Variants in TAFA2 observed in about 807,000 individuals in gnomAD.
TAFA2 encodes chemokine-like protein TAFA-2.
A neutral mutation model predicts 18.8 loss-of-function variants in TAFA2; 7 were observed. The ratio of observed to expected loss-of-function variants is 0.37; its 90% confidence interval spans 0.21 to 0.70. The LOEUF is 0.70. TAFA2 is among the 30% of genes least tolerant of loss of function. The pLI is 0.53. For missense variants in TAFA2, 122 were observed against 158.1 expected (o/e 0.77, Z 1.23); for synonymous variants, 60 against 54.2 (o/e 1.11, Z -0.47).
intron 1 of TAFA2, among the ~76,000 whole-genome samples, chr12:61,881,796 GAACATTCTGCATGTCAAATAC>G (rs1278165521): frequency 6.6e-6 from 1 of 151,192 alleles, no homozygotes; most frequent in Non-Finnish European, 1.5e-5. Flanking sequence ...TCATTTTAAA[GAACATTCTGCATGTCAAATAC>G]AGCCTGGGGG....
At chr12:62,003,411 C>G (rs1001346208) in intron 1 of TAFA2, among the ~76,000 whole-genome samples, 3 of 152,140 alleles carry the variant, frequency 2.0e-5, no homozygotes, top group African/African-American at 7.2e-5. Context: ...AAGCTCCCAC[C>G]TCAGAGCCTT....
At chr12:61,988,723 A>C (rs942528739) in intron 1 of TAFA2, among the ~76,000 whole-genome samples, 5 of 152,206 alleles carry the variant, frequency 3.3e-5, no homozygotes, top group African/African-American at 1.2e-4. Flanking sequence ...TTGGCCCAAC[A>C]ACGGAGATGT....
chr12:61,802,236 A>G (rs918087845), intron 2 of TAFA2, among the ~76,000 whole-genome samples: 1 of 152,034 alleles, frequency 6.6e-6, no homozygotes, highest in African/African-American at 2.4e-5. Context: ...CTACCATATG[A>G]TCCAGCAATC....
chr12:61,729,852 C>T (rs1870357734), intron 4 of TAFA2, among the ~76,000 whole-genome samples: 1 of 152,010 alleles, frequency 6.6e-6, no homozygotes, highest in African/African-American at 2.4e-5. Context: ...TTTGGGTATA[C>T]TATGTCAGAG....
At chr12:61,845,335 T>C (rs1194195401) in intron 2 of TAFA2, among the ~76,000 whole-genome samples, 1 of 151,944 alleles carries the variant, frequency 6.6e-6, no homozygotes. Flanking sequence ...ATTTACTCAA[T>C]CAGAGACACA....
intron 1 of TAFA2, among the ~76,000 whole-genome samples, chr12:62,062,043 G>A (rs1882362979): frequency 6.6e-6 from 1 of 152,074 alleles, no homozygotes; most frequent in Non-Finnish European, 1.5e-5. Context: ...GTGCAATGGT[G>A]CACGCCTGTA....
chr12:62,187,285 G>C (rs1183026043), intron 1 of TAFA2, among the ~76,000 whole-genome samples: 2 of 151,968 alleles, frequency 1.3e-5, no homozygotes, highest in African/African-American at 4.8e-5. Context: ...AAATTCATGA[G>C]AAAAATAGAA....
At chr12:62,097,688 G>A (rs921224310) in intron 1 of TAFA2, among the ~76,000 whole-genome samples, 1 of 152,196 alleles carries the variant, frequency 6.6e-6, no homozygotes, top group Non-Finnish European at 1.5e-5. Context: ...GGACATTGCA[G>A]TAATGCACGT....
chr12:61,714,029 T>C (rs1265572249), intron 4 of TAFA2, among the ~76,000 whole-genome samples: 1 of 152,198 alleles, frequency 6.6e-6, no homozygotes, highest in East Asian at 1.9e-4. Context: ...TTATACCTTC[T>C]AAGGAAGATT....
chr12:61,758,487 G>C lies in TAFA2; in HGVS notation c.107-3463C>G, dbSNP rs114178295. On this transcript the variant is annotated intron_variant, in intron 2 of 4. Coordinates refer to ENST00000416284, the MANE Select transcript of TAFA2 (RefSeq NM_178539.5). Reference sequence around the variant, plus strand: ...GTGAGGACACAATCCATTTTAACAAGAGGAAGGTGGGATATGTAGGTACAG... The same window carrying C: ...GTGAGGACACAATCCATTTTAACAACAGGAAGGTGGGATATGTAGGTACAG... 5.4e-3 allele frequency among the ~76,000 whole-genome samples: 827 copies of C among 152,142 alleles called. 6 individuals are homozygous for C. The highest frequency in any genetic ancestry group is 0.019 in the African/African-American group (786 of 41,552).
At chr12:62,027,494 T>C (rs1209927332) in intron 1 of TAFA2, among the ~76,000 whole-genome samples, 7 of 152,178 alleles carry the variant, frequency 4.6e-5, no homozygotes. Context: ...CTAGTTTTTT[T>C]GTGTGCTAAT....
chr12:61,779,453 G>GA (rs1870410927), intron 2 of TAFA2, among the ~76,000 whole-genome samples: 1 of 151,726 alleles, frequency 6.6e-6, no homozygotes, highest in Non-Finnish European at 1.5e-5. Flanking sequence ...TAATTATTCT[G>GA]AAAAAATAGG....
chr12:62,219,829 C>T (rs1188796657), intron 1 of TAFA2, among the ~76,000 whole-genome samples: 1 of 152,122 alleles, frequency 6.6e-6, no homozygotes, highest in Non-Finnish European at 1.5e-5. Flanking sequence ...TAACACATTA[C>T]CTTTAAAACA....
intron 1 of TAFA2, among the ~76,000 whole-genome samples, chr12:62,247,688 A>G (rs1000260271): frequency 6.6e-6 from 1 of 152,226 alleles, no homozygotes; most frequent in African/African-American, 2.4e-5. Flanking sequence ...GGCCAACTAG[A>G]AGATCCATAA....
intron 1 of TAFA2, among the ~76,000 whole-genome samples, chr12:61,978,076 A>G (rs1879501105): frequency 1.3e-5 from 2 of 152,100 alleles, no homozygotes; most frequent in African/African-American, 4.8e-5. Context: ...TTAGCAATGA[A>G]TATTTAATGA....
intron 1 of TAFA2, among the ~76,000 whole-genome samples, chr12:62,068,018 A>G (rs1176965346): frequency 1.3e-5 from 2 of 151,050 alleles, no homozygotes; most frequent in Admixed American, 6.6e-5. Flanking sequence ...TTAGTGTCAG[A>G]TCTTCATGTC....
intron 1 of TAFA2, among the ~76,000 whole-genome samples, chr12:62,069,096 G>C (rs778926239): frequency 6.6e-6 from 1 of 152,120 alleles, no homozygotes; most frequent in Non-Finnish European, 1.5e-5. Context: ...TTTCCACAGA[G>C]AGGATTTATT....
intron 1 of TAFA2, among the ~76,000 whole-genome samples, chr12:62,162,173 T>C (rs1164890298): frequency 6.6e-6 from 1 of 152,224 alleles, no homozygotes; most frequent in Non-Finnish European, 1.5e-5. Context: ...TTAGGGAAGA[T>C]AGAGCCCTAT....
chr12:62,134,471 G>T (rs1870816088), intron 1 of TAFA2, among the ~76,000 whole-genome samples: 4 of 151,964 alleles, frequency 2.6e-5, no homozygotes, highest in Admixed American at 1.3e-4. Flanking sequence ...GCCATCAGCA[G>T]ATACTGAATC....
Sources: gnomAD v4.1 joint callset for allele counts (sites outside exome capture counted in the v4.1 genomes callset) on GRCh38, gnomAD v4.1.1 for gene constraint, MANE v1.5 for transcripts, NCBI Gene and HGNC (gene_info 2026-07-23, HGNC 2026-07-21) for gene names.